SGCZ: variants seen among roughly 807,000 people sequenced by gnomAD.
SGCZ encodes sarcoglycan zeta.
SGCZ carries 40 observed loss-of-function variants against 41.3 expected under a neutral mutation model. That is an observed-to-expected ratio of 0.97 (90% CI 0.75 to 1.26). The LOEUF is 1.26. Among genes scored for constraint, SGCZ ranks in the 50% most tolerant of loss-of-function variants. SGCZ has a pLI of 0.00. For missense variants in SGCZ, 552 were observed against 369.8 expected (o/e 1.49, Z -4.04); for synonymous variants, 206 against 137.5 (o/e 1.50, Z -3.49).
At chr8:15,030,891 G>A (rs372537776) in intron 1 of SGCZ, among the ~76,000 whole-genome samples, 14 of 152,238 alleles carry the variant, frequency 9.2e-5, no homozygotes, top group African/African-American at 3.4e-4. Context: ...AAGAAACTAG[G>A]AAACACAGTT....
intron 4 of SGCZ, among the ~76,000 whole-genome samples, chr8:14,188,276 A>T (rs1318116093): frequency 6.6e-6 from 1 of 152,214 alleles, no homozygotes; most frequent in Admixed American, 6.5e-5. Context: ...CCAGCATCAG[A>T]AACAGAATAC....
chr8:14,478,845 T>A (rs530587825), intron 2 of SGCZ, among the ~76,000 whole-genome samples: 1 of 152,290 alleles, frequency 6.6e-6, no homozygotes, highest in East Asian at 1.9e-4. Flanking sequence ...ATTTTCTGTT[T>A]CACTTGTAAA....
intron 4 of SGCZ, among the ~76,000 whole-genome samples, chr8:14,211,631 G>A (rs568162431): frequency 3.2e-4 from 49 of 151,376 alleles, no homozygotes; most frequent in African/African-American, 1.1e-3. Context: ...AGGGAAGCAC[G>A]TCTTACCACA....
At chr8:14,990,392 G>A (rs1181134623) in intron 1 of SGCZ, among the ~76,000 whole-genome samples, 2 of 151,728 alleles carry the variant, frequency 1.3e-5, no homozygotes, top group African/African-American at 4.8e-5. Flanking sequence ...TGGCAAGCAA[G>A]CCAGCCAAGC....
At chr8:14,759,079 T>TG (rs1431567161) in intron 1 of SGCZ, among the ~76,000 whole-genome samples, 1 of 151,870 alleles carries the variant, frequency 6.6e-6, no homozygotes, top group East Asian at 1.9e-4. Context: ...TGCAACTGTA[T>TG]GGGGAAAGTG....
In SGCZ at chr8:14,112,135, A is replaced by G. The variant is rs368419608; in HGVS notation, c.548-3900T>C. On this transcript the variant is annotated intron_variant, in intron 5 of 7. Transcript: ENST00000382080. ...AAGCAAACAACCAAGAAAGGCAAGA[A>G]CACCTCACATTGAGAAAAAGAAAGT... is the stretch of plus-strand genomic sequence containing the variant. Among the ~76,000 whole-genome samples the G allele has an allele frequency of 8.5e-5, 13 of 152,296 alleles. 1 individual carries two copies. In the South Asian group the frequency reaches 2.1e-3, roughly 24 times the overall value.
At chr8:14,562,010 G>A (rs1804221019) in intron 1 of SGCZ, among the ~76,000 whole-genome samples, 1 of 152,046 alleles carries the variant, frequency 6.6e-6, no homozygotes, top group South Asian at 2.1e-4. Context: ...AATTAATTTG[G>A]AATCACCTAA....
intron 5 of SGCZ, among the ~76,000 whole-genome samples, chr8:14,114,892 A>G (rs761585792): frequency 2.0e-5 from 3 of 151,990 alleles, no homozygotes; most frequent in Non-Finnish European, 4.4e-5. Context: ...TTAGTCAACA[A>G]TAAGAGTAAT....
intron 2 of SGCZ, among the ~76,000 whole-genome samples, chr8:14,469,662 T>C (rs1319545200): frequency 6.6e-6 from 1 of 152,082 alleles, no homozygotes; most frequent in Non-Finnish European, 1.5e-5. Context: ...CAAGGCATGA[T>C]TAGAGGGTTA....
At chr8:14,244,016 A>C (rs1798986532) in intron 3 of SGCZ, among the ~76,000 whole-genome samples, 1 of 152,198 alleles carries the variant, frequency 6.6e-6, no homozygotes, top group African/African-American at 2.4e-5. Flanking sequence ...CTTTATGTTC[A>C]ATAAATGCAT....
chr8:14,893,970 C>G (rs1805109757), intron 1 of SGCZ, among the ~76,000 whole-genome samples: 1 of 152,102 alleles, frequency 6.6e-6, no homozygotes, highest in Non-Finnish European at 1.5e-5. Context: ...GTTTGTAACA[C>G]TTTTTAACCC....
intron 1 of SGCZ, among the ~76,000 whole-genome samples, chr8:14,595,538 A>G (rs1449526086): frequency 6.6e-6 from 1 of 152,116 alleles, no homozygotes; most frequent in Non-Finnish European, 1.5e-5. Flanking sequence ...AGTGGACTGA[A>G]GTTCCGTGGC....
intron 1 of SGCZ, among the ~76,000 whole-genome samples, chr8:14,624,260 A>G (rs1026387444): frequency 6.6e-6 from 1 of 152,126 alleles, no homozygotes; most frequent in Non-Finnish European, 1.5e-5. Flanking sequence ...CTCTCTGTTG[A>G]AAGCCTTAGG....
At chr8:14,175,071 C>T (rs1804502414) in intron 4 of SGCZ, among the ~76,000 whole-genome samples, 1 of 152,086 alleles carries the variant, frequency 6.6e-6, no homozygotes, top group African/African-American at 2.4e-5. Context: ...AAGGTTAAGA[C>T]TTCAACATAT....
rs114459188 is a variant in SGCZ at position 14,370,962 on chromosome 8, A to G, written c.235-46758T>C. On this transcript the variant is annotated intron_variant, in intron 2 of 7. Coordinates refer to ENST00000382080, the MANE Select transcript of SGCZ (RefSeq NM_139167.4). ...CTAAATATTTTTGCCACCTGCAGTC[A>G]CGAATATATCATTCTATGGAGATTA... Among the ~76,000 whole-genome samples, 912 of 152,144 alleles carry G rather than the reference A, an allele frequency of 6.0e-3. 14 individuals are homozygous for G. Among genetic ancestry groups the G allele is most frequent in the African/African-American group, 0.021 (880 of 41,560 alleles).
intron 1 of SGCZ, among the ~76,000 whole-genome samples, chr8:14,570,002 A>G (rs1362945436): frequency 6.6e-6 from 1 of 151,768 alleles, no homozygotes; most frequent in Non-Finnish European, 1.5e-5. Context: ...AAAATAACAT[A>G]GCAACCCTCC....
chr8:14,790,492 T>C (rs1362171624), intron 1 of SGCZ, among the ~76,000 whole-genome samples: 1 of 152,136 alleles, frequency 6.6e-6, no homozygotes, highest in Non-Finnish European at 1.5e-5. Flanking sequence ...CAATATTCTA[T>C]TTTTAGGTTG....
intron 1 of SGCZ, among the ~76,000 whole-genome samples, chr8:15,010,306 T>G (rs1249410007): frequency 1.3e-5 from 2 of 152,218 alleles, no homozygotes; most frequent in African/African-American, 4.8e-5. Context: ...AAAATAACAT[T>G]ATTAGTTTCT....
At chr8:14,960,350 C>T (rs1232833488) in intron 1 of SGCZ, among the ~76,000 whole-genome samples, 1 of 151,320 alleles carries the variant, frequency 6.6e-6, no homozygotes, top group East Asian at 1.9e-4. Context: ...TACAAGTGGC[C>T]TCTCTGATTT....
Sources: allele counts gnomAD v4.1 joint callset (sites outside exome capture counted in the v4.1 genomes callset), GRCh38; gene constraint gnomAD v4.1.1; transcripts MANE v1.5; gene names NCBI Gene and HGNC (gene_info 2026-07-23, HGNC 2026-07-21).